The following PTGFRN variants were observed in gnomAD, a reference collection of about 807,000 sequenced individuals.
The protein encoded by PTGFRN is prostaglandin F2 receptor negative regulator.
Under a neutral mutation model 83.2 loss-of-function variants are expected in PTGFRN, and 35 were observed. That is an observed-to-expected ratio of 0.42 (90% CI 0.32 to 0.56). The LOEUF is 0.56. Ranked by LOEUF, PTGFRN falls within the 20% of genes least tolerant of loss-of-function variation. PTGFRN has a pLI of 0.11. For missense variants in PTGFRN, 1,051 were observed against 1,179.5 expected (o/e 0.89, Z 1.60); for synonymous variants, 519 against 498.6 (o/e 1.04, Z -0.55).
At chr1:116,956,616 G>T (rs115441761) in intron 4 of PTGFRN, among the ~76,000 whole-genome samples, 3,174 of 152,328 alleles carry the variant, frequency 0.021, 78 homozygotes, top group African/African-American at 0.061. Context: ...CATCTGAGTG[G>T]AGTTGAGAAG....
intron 4 of PTGFRN, among the ~76,000 whole-genome samples, chr1:116,959,966 A>G (rs1357283418): frequency 1.4e-5 from 2 of 146,950 alleles, no homozygotes; most frequent in Non-Finnish European, 3.0e-5. Flanking sequence ...AAGACTGTCC[A>G]AAAAAAAAAC....
intron 1 of PTGFRN, among the ~76,000 whole-genome samples, chr1:116,930,974 C>T (rs1570649910): frequency 6.6e-6 from 1 of 152,170 alleles, no homozygotes; most frequent in East Asian, 1.9e-4. Context: ...TTATGAATCC[C>T]TTTGGATGGA....
chr1:116,935,248 G>A (rs56205836), intron 1 of PTGFRN, among the ~76,000 whole-genome samples: 4,817 of 152,160 alleles, frequency 0.032, 156 homozygotes, highest in African/African-American at 0.082. Context: ...TTGAACTTCA[G>A]TTGTCTTCTT....
rs745646518 is a variant in PTGFRN, at chr1:116,967,076, C to T, written c.1805C>T (p.Thr602Met). 24 of 1,614,196 alleles carry T rather than the reference C, an allele frequency of 1.5e-5. No homozygotes were observed. Among genetic ancestry groups the T allele is most frequent in the South Asian group, 5.5e-5 (5 of 91,078 alleles). Reference protein sequence around the residue: ...PVGDLSSPNETKYIISLDQDS... With the variant: ...PVGDLSSPNEMKYIISLDQDS... ...GGCGACCTCTCCAGTCCCAATGAAA[C>T]GAAGTACATCATCTCTCTGGACCAG... Residue 602 changes from threonine to methionine, a missense_variant, in exon 6 of 9, where the codon ACG becomes ATG. Around this residue, in one of 3 missense-constraint regions of PTGFRN, gnomAD observed 719 missense variants for 836.6 expected, o/e 0.86. Transcript: ENST00000393203.
chr1:116,983,762 G>T (rs1157812884), intron 7 of PTGFRN, among the ~76,000 whole-genome samples: 1 of 152,112 alleles, frequency 6.6e-6, no homozygotes, highest in African/African-American at 2.4e-5. Flanking sequence ...AAAAAATTGT[G>T]TTATTTGACA....
chr1:116,970,198 C>G (rs1650950557), intron 6 of PTGFRN, among the ~76,000 whole-genome samples: 1 of 152,180 alleles, frequency 6.6e-6, no homozygotes, highest in Non-Finnish European at 1.5e-5. Flanking sequence ...AGCGTTCAGT[C>G]TCATTCACCT....
intron 7 of PTGFRN, among the ~76,000 whole-genome samples, chr1:116,977,121 A>G (rs1000222405): frequency 7.3e-6 from 1 of 137,352 alleles, no homozygotes; most frequent in African/African-American, 2.5e-5. Flanking sequence ...CAAAAGAGAC[A>G]AAGAAGGCCA....
intron 7 of PTGFRN, among the ~76,000 whole-genome samples, chr1:116,978,864 T>G (rs1451762018): frequency 6.6e-6 from 1 of 152,036 alleles, no homozygotes; most frequent in Non-Finnish European, 1.5e-5. Context: ...TGTTGGAAGT[T>G]CTGGCCAGGG....
intron 6 of PTGFRN, among the ~76,000 whole-genome samples, chr1:116,972,538 G>T (rs1246871337): frequency 6.6e-6 from 1 of 152,052 alleles, no homozygotes; most frequent in Non-Finnish European, 1.5e-5. Flanking sequence ...CTCTGTCATG[G>T]CCATTTCTTC....
chr1:116,972,479 T>C (rs914863828), intron 6 of PTGFRN, among the ~76,000 whole-genome samples: 1 of 152,210 alleles, frequency 6.6e-6, no homozygotes, highest in Non-Finnish European at 1.5e-5. Flanking sequence ...ATTCATCTTA[T>C]TAGTCATCAT....
chr1:116,957,611 T>A (rs1006520623), intron 4 of PTGFRN, among the ~76,000 whole-genome samples: 3 of 152,200 alleles, frequency 2.0e-5, no homozygotes, highest in Non-Finnish European at 2.9e-5. Context: ...CACATACCTA[T>A]AATTTTTTGT....
intron 7 of PTGFRN, among the ~76,000 whole-genome samples, chr1:116,974,848 A>G (rs998527295): frequency 6.6e-6 from 1 of 152,182 alleles, no homozygotes; most frequent in Admixed American, 6.5e-5. Flanking sequence ...TATCGGGTTC[A>G]TCTCACTGGG....
In PTGFRN at chr1:116,923,673, C is replaced by T. The variant is rs1024449415; in HGVS notation, c.49+13421C>T. Among the ~76,000 whole-genome samples, 1 of 152,144 alleles carries T rather than the reference C, an allele frequency of 6.6e-6. No homozygotes were observed. Among genetic ancestry groups the T allele is most frequent in the African/African-American group, 2.4e-5 (1 of 41,424 alleles). On this transcript the variant is annotated intron_variant, in intron 1 of 8. Transcript: ENST00000393203. The surrounding 1 kb of genome is among the most constrained non-coding windows in gnomAD (Gnocchi z 4.0). The stretch of plus-strand genomic sequence containing the variant: ...CAGACTTCTTCAGTCCCAGTGTATG[C>T]GTCGAGTGCCTCGTGGCTGGGTTCA...
At chr1:116,967,767 A>C (rs1463568981) in intron 6 of PTGFRN, among the ~76,000 whole-genome samples, 2 of 152,166 alleles carry the variant, frequency 1.3e-5, no homozygotes, top group Non-Finnish European at 2.9e-5. Flanking sequence ...TGCTTTGTTC[A>C]TTTTTATGAC....
chr1:116,916,822 G>C (rs1237155483), intron 1 of PTGFRN, among the ~76,000 whole-genome samples: 2 of 152,132 alleles, frequency 1.3e-5, no homozygotes, highest in Non-Finnish European at 2.9e-5. Flanking sequence ...TACACGCCGG[G>C]CATTGTTCTG....
intron 4 of PTGFRN, among the ~76,000 whole-genome samples, chr1:116,957,022 G>A (rs1215099709): frequency 6.6e-6 from 1 of 152,116 alleles, no homozygotes; most frequent in African/African-American, 2.4e-5. Flanking sequence ...GAGTGACCTT[G>A]AGAATGAGTG....
Position 116,987,033 on chromosome 1 carries a change from A to T in PTGFRN, c.*66A>T. Reference sequence around the variant, plus strand: ...CAATTGGGGCAAGAAGAGGACAGTGATATTTTAAAACAAAGTGTGTTACAC... The same window carrying T: ...CAATTGGGGCAAGAAGAGGACAGTGTTATTTTAAAACAAAGTGTGTTACAC... On this transcript the variant is annotated 3_prime_UTR_variant, in exon 9 of 9. Coordinates refer to ENST00000393203, the MANE Select transcript of PTGFRN (RefSeq NM_020440.4). The T allele has an allele frequency of 6.3e-7, 1 of 1,579,070 alleles. No homozygotes were observed.
intron 1 of PTGFRN, among the ~76,000 whole-genome samples, chr1:116,934,898 G>A (rs189437753): frequency 3.3e-5 from 5 of 152,324 alleles, no homozygotes; most frequent in Admixed American, 3.3e-4. Context: ...CTTGATGAGA[G>A]CTAGTTGCTT....
At chr1:116,919,218 G>C (rs1010897784) in intron 1 of PTGFRN, among the ~76,000 whole-genome samples, 2 of 152,178 alleles carry the variant, frequency 1.3e-5, no homozygotes, top group African/African-American at 4.8e-5. Context: ...AGAGGGGTGT[G>C]ACTTAGAAGC....
Sources: allele counts gnomAD v4.1 joint callset (sites outside exome capture counted in the v4.1 genomes callset), GRCh38; gene constraint gnomAD v4.1.1; regional missense constraint gnomAD v4.1.1; non-coding constraint Gnocchi (gnomAD v3.1); transcripts MANE v1.5; gene names NCBI Gene and HGNC (gene_info 2026-07-23, HGNC 2026-07-21).